Variants in NECTIN1 observed in about 807,000 individuals in gnomAD.
NECTIN1 encodes the protein nectin-1.
A neutral mutation model predicts 48.0 loss-of-function variants in NECTIN1; 23 were observed. The ratio of observed to expected loss-of-function variants is 0.48; its 90% CI spans 0.34 to 0.68. NECTIN1 has a LOEUF of 0.68. Among genes scored for constraint, NECTIN1 ranks in the 30% least tolerant of loss-of-function variants. NECTIN1 has a pLI of 0.01. For synonymous variants in NECTIN1, 270 were observed against 288.9 expected, an observed-to-expected ratio of 0.93 and a Z score of 0.66; for missense variants, 591 against 709.9, an observed-to-expected ratio of 0.83 and a Z score of 1.90.
chr11:119,710,520 T>A (rs1315293156), intron 1 of NECTIN1, among the ~76,000 whole-genome samples: 1 of 152,116 alleles, frequency 6.6e-6, no homozygotes, highest in Non-Finnish European at 1.5e-5. Context: ...GTAGGACTGT[T>A]CACAAAGTGC....
rs1864919067 is a variant in NECTIN1 at position 119,674,719 on chromosome 11, G to A, written c.1003+440C>T. The A allele has an allele frequency of 3.7e-6, 6 of 1,613,940 alleles. No individual in the cohort carries two copies. The Admixed American group carries it at 5.0e-5, about 13-fold the overall frequency. ...GGGCTACATCTTCGCTTTCTCTCCA[G>A]TCTCCCTGCTTGAGGTAAGCCTCAC... On this transcript the variant is annotated intron_variant, in intron 5 of 5. Coordinates refer to ENST00000264025, the MANE Select transcript of NECTIN1 (RefSeq NM_002855.5).
Position 119,664,014 on chromosome 11 carries a change from G to T in NECTIN1, c.*733C>A, listed in dbSNP as rs1333222656. 6 of 985,820 alleles carry T rather than the reference G, an allele frequency of 6.1e-6. No homozygotes were observed. Among genetic ancestry groups the T allele is most frequent in the Non-Finnish European group, 7.2e-6 (6 of 830,368 alleles). 61.1% of individuals were successfully genotyped at this position (985,820 alleles called of 1,614,324 possible). A position where few individuals can be genotyped will look rare whatever the true frequency, so the allele number is the denominator to read the frequency against. ...AAGTGTGGGCTGGAGCCCACCTGGA[G>T]CCCCTAATGGAGGGGGCACATTGGG... On this transcript the variant is annotated 3_prime_UTR_variant, in exon 6 of 6. Coordinates refer to ENST00000264025, the MANE Select transcript of NECTIN1 (RefSeq NM_002855.5).
chr11:119,688,236 C>T (rs1341241458), intron 1 of NECTIN1, among the ~76,000 whole-genome samples: 1 of 152,186 alleles, frequency 6.6e-6, no homozygotes, highest in African/African-American at 2.4e-5. Context: ...CAGTTTTGCT[C>T]TTGGCGTAGT....
chr11:119,666,169 T>C (rs1864766500), intron 5 of NECTIN1, among the ~76,000 whole-genome samples: 1 of 152,188 alleles, frequency 6.6e-6, no homozygotes, highest in Admixed American at 6.5e-5. Context: ...TGTGCGTGCG[T>C]GGCAATGTCG....
intron 1 of NECTIN1, among the ~76,000 whole-genome samples, chr11:119,705,254 CATTT>C (rs1479088220): frequency 2.0e-5 from 3 of 152,178 alleles, no homozygotes; most frequent in Non-Finnish European, 4.4e-5. Context: ...TTAGGGTATT[CATTT>C]ATTAAAATAT....
intron 5 of NECTIN1, among the ~76,000 whole-genome samples, chr11:119,652,537 C>G (rs1336281861): frequency 6.6e-6 from 1 of 152,182 alleles, no homozygotes; most frequent in Non-Finnish European, 1.5e-5. Context: ...TTTTAAAAGC[C>G]TTGGAAACTT....
In NECTIN1 at chr11:119,664,879, G is replaced by A. The variant is rs763407766; in HGVS notation, c.1422C>T (p.Ala474=). 69 of 1,613,890 alleles carry A rather than the reference G, an allele frequency of 4.3e-5. 2 individuals are homozygous for A. The highest frequency in any genetic ancestry group is 2.3e-4 in the South Asian group (21 of 91,078). The change falls in exon 6 of 6, where the codon GCC becomes GCT. Residue 474 remains alanine, a synonymous_variant. Transcript: ENST00000264025. ...AKRPYFTVDE[A]EARQDGYGDR... ...CCCCGTAGCCGTCCTGACGGGCCTCGGCCTCATCCACGGTGAAGTAGGGCC... is the reference window on the plus strand; with the variant it reads ...CCCCGTAGCCGTCCTGACGGGCCTCAGCCTCATCCACGGTGAAGTAGGGCC...
Position 119,662,179 on chromosome 11 carries a change from G to A in NECTIN1, c.*2568C>T. On this transcript the variant is annotated 3_prime_UTR_variant, in exon 6 of 6. Transcript: ENST00000264025. The surrounding 1 kb of genome is among the most constrained non-coding windows in gnomAD (Gnocchi z 5.3). ...AAAGCAGAAGCTCAGCTCATGCTGT[G>A]GGCATGAAGGAGAAGCAAAATGTCC... 2 of 985,414 alleles carry A rather than the reference G, an allele frequency of 2.0e-6. No individual in the cohort carries two copies. Among genetic ancestry groups the A allele is most frequent in the Non-Finnish European group, 2.4e-6 (2 of 829,916 alleles). The allele number at this position is 985,414 out of a possible 1,614,324, so 61.0% of individuals were successfully genotyped here.
chr11:119,705,870 C>G (rs1437767736), intron 1 of NECTIN1, among the ~76,000 whole-genome samples: 1 of 151,812 alleles, frequency 6.6e-6, no homozygotes, highest in Non-Finnish European at 1.5e-5. Context: ...GAGCCCTCCT[C>G]TCCCACCCCT....
chr11:119,649,541 T>C (rs1320930407), intron 5 of NECTIN1, among the ~76,000 whole-genome samples: 1 of 151,652 alleles, frequency 6.6e-6, no homozygotes, highest in Non-Finnish European at 1.5e-5. Flanking sequence ...TACAAAAAAA[T>C]TAGCCAGGCA....
chr11:119,694,534 C>T (rs534884216), intron 1 of NECTIN1, among the ~76,000 whole-genome samples: 5 of 152,342 alleles, frequency 3.3e-5, no homozygotes, highest in African/African-American at 1.2e-4. Flanking sequence ...AGCTCACTAC[C>T]TCTCATTGCA....
Position 119,677,567 on chromosome 11 carries a change from G to C in NECTIN1, c.721C>G (p.Leu241Val). 3.1e-6 allele frequency: 5 copies of C among 1,612,678 alleles called. No homozygotes were observed. Among genetic ancestry groups the C allele is most frequent in the East Asian group, 2.2e-5 (1 of 44,876 alleles). Residue 241 changes from leucine (L) to valine (V), a missense_variant, in exon 3 of 6, where the codon CTC becomes GTC. Coordinates refer to ENST00000264025, the MANE Select transcript of NECTIN1 (RefSeq NM_002855.5). This position sits in a 1 kb window ranked among gnomAD's most constrained non-coding sequence, Gnocchi z 5.4. ...CAGCCCTGCTCACACTGCACGTTGA[G>C]AGTGAGGCTTTCCTTGAAGCGGTCC... ...HMDRFKESLT[L>V]NVQYEPEVTI...
intron 5 of NECTIN1, among the ~76,000 whole-genome samples, chr11:119,648,695 G>A (rs991655774): frequency 6.6e-6 from 1 of 152,078 alleles, no homozygotes; most frequent in African/African-American, 2.4e-5. Context: ...AGCCCAGGAA[G>A]CTGCCTGTTT....
chr11:119,642,225 C>T (rs1864337050), intron 5 of NECTIN1: 1 of 152,192 alleles, frequency 6.6e-6, no homozygotes, highest in South Asian at 2.1e-4. Flanking sequence ...GGGGAGCTCT[C>T]ACCTTGAGTC....
chr11:119,648,292 G>GGTGA (rs1864431850), intron 5 of NECTIN1, among the ~76,000 whole-genome samples: 4 of 19,262 alleles, frequency 2.1e-4, no homozygotes, highest in African/African-American at 1.1e-3. Flanking sequence ...GGTGGTGATG[G>GGTGA]TGGTGGTGGT....
chr11:119,639,990 A>G (rs769824361), exon 6 of NECTIN1: 1 of 1,613,412 alleles, frequency 6.2e-7, no homozygotes, highest in East Asian at 2.2e-5. Flanking sequence ...CACTTCCCAG[A>G]CCCCTCTGGG....
In NECTIN1 at chr11:119,665,394, G is replaced by A; in HGVS notation, c.1004-97C>T. The stretch of plus-strand genomic sequence containing the variant: ...GGCAGGGAAAGGAGAGGCCAGGAAG[G>A]ACAGGCTGTCTGCACCCCAGGTTTG... On this transcript the variant is annotated intron_variant, in intron 5 of 5. Coordinates refer to ENST00000264025, the MANE Select transcript of NECTIN1 (RefSeq NM_002855.5). The surrounding 1 kb of genome is among the most constrained non-coding windows in gnomAD (Gnocchi z 5.1). The A allele has an allele frequency of 6.8e-7, 1 of 1,469,624 alleles. No individual in the cohort carries two copies. The highest frequency in any genetic ancestry group is 2.4e-5 in the East Asian group (1 of 41,888). The allele number at this position is 1,469,624 out of a possible 1,614,324, so 91.0% of individuals were successfully genotyped here.
intron 7 of NECTIN1, chr11:119,638,692 G>A (rs775345979): frequency 8.3e-6 from 13 of 1,571,574 alleles, no homozygotes; most frequent in South Asian, 4.5e-5. Flanking sequence ...CTCCCTCCCC[G>A]CAGTCCAGGG....
intron 1 of NECTIN1, among the ~76,000 whole-genome samples, chr11:119,704,073 G>A (rs1865502747): frequency 6.6e-6 from 1 of 152,072 alleles, no homozygotes; most frequent in South Asian, 2.1e-4. Context: ...ACGGTTCTCC[G>A]GGCAAGAAGC....
Sources: allele counts gnomAD v4.1 joint callset (sites outside exome capture counted in the v4.1 genomes callset), GRCh38; gene constraint gnomAD v4.1.1; non-coding constraint Gnocchi (gnomAD v3.1); transcripts MANE v1.5; gene names NCBI Gene and HGNC (gene_info 2026-07-23, HGNC 2026-07-21).